Variants in TRA2B observed in about 807,000 individuals in gnomAD.
The protein encoded by TRA2B is transformer-2 protein homolog beta.
Under a neutral mutation model 41.7 loss-of-function variants are expected in TRA2B, and 14 were observed. That is an observed-to-expected ratio of 0.34 (90% CI 0.22 to 0.53). The LOEUF is 0.53. Among genes scored for constraint, TRA2B ranks in the 20% least tolerant of loss-of-function variants. TRA2B has a pLI of 0.95. For synonymous variants in TRA2B, 130 were observed against 128.8 expected, an observed-to-expected ratio of 1.01 and a Z score of -0.06; for missense variants, 167 against 396.8, an observed-to-expected ratio of 0.42 and a Z score of 4.92.
At position 185,937,938 on chromosome 3, in the gene TRA2B, G is replaced by T; in HGVS notation, c.-78C>A. The stretch of plus-strand genomic sequence containing the variant: ...CTTGCACCTTCCTTAAGGAGGCTCC[G>T]CCGCAGCCCCGCACGACGCGCCGGT... On this transcript the variant is annotated 5_prime_UTR_variant, in exon 1 of 9. Coordinates refer to ENST00000453386, the MANE Select transcript of TRA2B (RefSeq NM_004593.3). 1 of 1,569,032 alleles carries T rather than the reference G, an allele frequency of 6.4e-7. No individual in the cohort carries two copies.
At chr3:185,919,382 T>A (rs1033503596) in intron 7 of TRA2B, 55 bp downstream of exon 7, 8 of 1,460,904 alleles carry the variant, frequency 5.5e-6, no homozygotes, top group Non-Finnish European at 7.5e-6. Flanking sequence ...TAGGCAAACA[T>A]CTTTATGTGA....
At chr3:185,919,900 A>G (rs116808148) in intron 6 of TRA2B, among the ~76,000 whole-genome samples, 213 of 152,350 alleles carry the variant, frequency 1.4e-3, no homozygotes, top group Non-Finnish European at 2.3e-3. Context: ...ACATTGCCAA[A>G]TAATGCACAA....
chr3:185,924,130 T>C (rs184622130), intron 3 of TRA2B, 146 bp from the exon 4 acceptor site: 37 of 577,424 alleles, frequency 6.4e-5, no homozygotes, highest in Middle Eastern at 3.5e-4. Context: ...ATTACAAAAT[T>C]ACAGCAAGTA....
intron 3 of TRA2B, 165 bp downstream of exon 3, chr3:185,925,299 C>T (rs537836041): frequency 5.4e-5 from 41 of 759,782 alleles, no homozygotes; most frequent in South Asian, 5.0e-4. Context: ...ATGCAGACCC[C>T]GTCATGGAAG....
At chr3:185,920,923 C>G (rs554203819) in intron 6 of TRA2B, among the ~76,000 whole-genome samples, 181 bp downstream of exon 6, 1 of 151,710 alleles carries the variant, frequency 6.6e-6, no homozygotes, top group African/African-American at 2.4e-5. Flanking sequence ...GAACAGAAAT[C>G]CAGTTACACA....
chr3:185,916,506 A>T lies in TRA2B; in HGVS notation c.*1209T>A, dbSNP rs1743504308. ...ATGCAAAATAATAAGAACATGTATT[A>T]AAGTACCCGCAGTCTAGTTATTTAC... On this transcript the variant is annotated 3_prime_UTR_variant, in exon 9 of 9. Transcript: ENST00000453386. The T allele has an allele frequency of 6.6e-6, 1 of 152,224 alleles. No homozygotes were observed. Among genetic ancestry groups the T allele is most frequent in the Non-Finnish European group, 1.5e-5 (1 of 68,042 alleles). The allele number at this position is 152,224 out of a possible 1,614,324, so 9.4% of individuals were successfully genotyped here.
At chr3:185,922,156 A>G (rs1560564085) in intron 4 of TRA2B, 30 bp from the exon 5 acceptor site, 16 of 1,539,742 alleles carry the variant, frequency 1.0e-5, no homozygotes, top group Non-Finnish European at 1.4e-5. Context: ...TGTTACATAC[A>G]TCCTGAACAA....
intron 1 of TRA2B, among the ~76,000 whole-genome samples, chr3:185,932,386 C>G (rs554381481): frequency 1.3e-5 from 2 of 152,232 alleles, no homozygotes; most frequent in South Asian, 4.1e-4. Flanking sequence ...TGCAGAAAGA[C>G]GGTGTCAGGG....
chr3:185,933,955 C>T (rs145869508), intron 1 of TRA2B, among the ~76,000 whole-genome samples: 2 of 152,238 alleles, frequency 1.3e-5, no homozygotes, highest in African/African-American at 4.8e-5. Context: ...AGGTAACAAT[C>T]TATGTTGATA....
intron 1 of TRA2B, chr3:185,936,637 G>A (rs1486956684): frequency 8.1e-6 from 8 of 984,374 alleles, no homozygotes; most frequent in Non-Finnish European, 9.6e-6. Flanking sequence ...CAGATCTTAA[G>A]GTAGCTTTAC....
Position 185,917,693 on chromosome 3 carries a change from G to A in TRA2B, c.*22C>T. On this transcript the variant is annotated 3_prime_UTR_variant, in exon 9 of 9. Transcript: ENST00000453386. Reference sequence around the variant, plus strand: ...CAAACAATATCCCAGCTCTAGGGCAGGTTTCAGAAAGTCTTCATGCTTTAA... The same window carrying A: ...CAAACAATATCCCAGCTCTAGGGCAAGTTTCAGAAAGTCTTCATGCTTTAA... 6.2e-7 allele frequency: 1 copy of A among 1,612,732 alleles called. No homozygotes were observed. Among genetic ancestry groups the A allele is most frequent in the Non-Finnish European group, 8.5e-7 (1 of 1,179,126 alleles).
chr3:185,926,942 T>G, intron 1 of TRA2B: 2 of 555,794 alleles, frequency 3.6e-6, no homozygotes, highest in Non-Finnish European at 6.0e-6. Context: ...CTTCCACCTT[T>G]TTGGAGCAGG....
At chr3:185,925,733 C>A in intron 2 of TRA2B, 107 bp from the exon 3 acceptor site, 1 of 1,141,624 alleles carries the variant, frequency 8.8e-7, no homozygotes, top group Non-Finnish European at 1.2e-6. Flanking sequence ...CAGGAATATG[C>A]TAACATGGTT....
rs548538705 is a variant in TRA2B at position 185,931,411 on chromosome 3, A to G, written c.37-4677T>C. The G allele has an allele frequency of 2.8e-3, 962 of 345,968 alleles. 5 individuals carry two copies. Among genetic ancestry groups the G allele is most frequent in the South Asian group, 6.4e-3 (57 of 8,942 alleles). The allele number at this position is 345,968 out of a possible 1,614,324, so 21.4% of individuals were successfully genotyped here. On this transcript the variant is annotated intron_variant, in intron 1 of 8. Transcript: ENST00000453386. ...CTTGACTACTAAATATTTTTTAAAA[A>G]TTGCATTTCAATCATTTAACTAAGC...
chr3:185,925,527 A>G lies in TRA2B; in HGVS notation c.270T>C (p.Tyr90=). 1.9e-6 allele frequency: 3 copies of G among 1,614,220 alleles called. No individual in the cohort carries two copies. The highest frequency in any genetic ancestry group is 2.5e-6 in the Non-Finnish European group (3 of 1,180,026). ...AATGGCTGTGGCTGTGCCGTCTACG[A>G]TAATCTCGACTGTAAGACCTGCTAC... ...RSRSRSYSRD[Y]RRRHSHSHSP... Residue 90 remains tyrosine (Y), a synonymous_variant, in exon 3 of 9, where the codon TAT becomes TAC. Transcript: ENST00000453386.
chr3:185,917,776 A>T, intron 8 of TRA2B, 51 bp from the exon 9 acceptor site: 2 of 1,581,694 alleles, frequency 1.3e-6, no homozygotes, highest in Non-Finnish European at 1.7e-6. Flanking sequence ...CTAATTATCA[A>T]GTATACTTTA....
At chr3:185,926,362 A>G (rs537101953) in intron 2 of TRA2B, among the ~76,000 whole-genome samples, 1 of 152,344 alleles carries the variant, frequency 6.6e-6, no homozygotes, top group East Asian at 1.9e-4. Context: ...TGCCTTTTAT[A>G]AAGAAGCTAA....
At chr3:185,935,719 T>C in intron 1 of TRA2B, 1 of 985,432 alleles carries the variant, frequency 1.0e-6, no homozygotes, top group Non-Finnish European at 1.2e-6. Context: ...TCCATTGAGC[T>C]TTATGGTTTT....
At chr3:185,926,564 A>G (rs767925842) in intron 2 of TRA2B, 37 bp downstream of exon 2, 4 of 1,611,566 alleles carry the variant, frequency 2.5e-6, no homozygotes, top group Non-Finnish European at 3.4e-6. Flanking sequence ...TTTCAGAGCT[A>G]AGAGTAACGA....
Sources: allele counts gnomAD v4.1 joint callset (sites outside exome capture counted in the v4.1 genomes callset), GRCh38; gene constraint gnomAD v4.1.1; transcripts MANE v1.5; gene names NCBI Gene and HGNC (gene_info 2026-07-23, HGNC 2026-07-21).